Variants in SHROOM2 observed in about 807,000 individuals in gnomAD.
The protein encoded by SHROOM2 is shroom family member 2, also known as protein Shroom2.
A neutral mutation model predicts 75.9 loss-of-function variants in SHROOM2; 33 were observed. The ratio of observed to expected loss-of-function variants is 0.43; its 90% confidence interval spans 0.33 to 0.58. The LOEUF is 0.58. Ranked by LOEUF, SHROOM2 falls within the 20% of genes least tolerant of loss-of-function variation. The pLI is 0.04. For missense variants in SHROOM2, 1,434 were observed against 1,461.2 expected (o/e 0.98, Z 0.30); for synonymous variants, 655 against 663.6 (o/e 0.99, Z 0.20).
intron 1 of SHROOM2, among the ~76,000 whole-genome samples, chrX:9,809,054 T>G: frequency 1.0e-5 from 1 of 100,197 alleles, no homozygotes; most frequent in South Asian, 5.6e-4. Context: ...TTTCCCTCCC[T>G]TCCCCCAAAT....
intron 1 of SHROOM2, among the ~76,000 whole-genome samples, chrX:9,788,070 G>T (rs2083626354): frequency 9.3e-6 from 1 of 106,983 alleles, no homozygotes; most frequent in African/African-American, 3.5e-5. Context: ...CACCATGCCT[G>T]GTTAATTTTT....
At position 9,797,008 on chromosome X, in the gene SHROOM2, T is replaced by A. The variant is rs1241637948; in HGVS notation, c.165+10298T>A. Among the ~76,000 whole-genome samples, 3 of 112,031 alleles carry A rather than the reference T, an allele frequency of 2.7e-5. No individual in the cohort carries two copies. In the Admixed American group the frequency reaches 2.9e-4, roughly 11 times the overall value. ...AATAGTGGGAAAGATGAAGATTCAG[T>A]ATCCCTGTGACAAGACTCTATTTCT... On this transcript the variant is annotated intron_variant, in intron 1 of 9. Transcript: ENST00000380913.
At chrX:9,807,901 G>A (rs2083764105) in intron 1 of SHROOM2, among the ~76,000 whole-genome samples, 1 of 111,361 alleles carries the variant, frequency 9.0e-6, no homozygotes, top group Admixed American at 9.6e-5. Context: ...GTCAAGGGGA[G>A]GTCAGAGAGG....
intron 5 of SHROOM2, among the ~76,000 whole-genome samples, chrX:9,929,905 G>A (rs1452194709): frequency 9.0e-6 from 1 of 110,866 alleles, no homozygotes. Flanking sequence ...AGACCTGATG[G>A]GTTTATCAGG....
At chrX:9,914,606 G>T (rs1395670777) in intron 5 of SHROOM2, among the ~76,000 whole-genome samples, 4 of 111,111 alleles carry the variant, frequency 3.6e-5, no homozygotes, top group Admixed American at 2.9e-4. Flanking sequence ...GATGTCTGAA[G>T]AGGTCCTAGA....
At position 9,927,356 on chromosome X, in the gene SHROOM2, CAAAAAAAAAAAAAA is replaced by C. The variant is rs56344026; in HGVS notation, c.2892-4799_2892-4786del. On this transcript the variant is annotated intron_variant, in intron 5 of 9. Coordinates refer to ENST00000380913, the MANE Select transcript of SHROOM2 (RefSeq NM_001649.4). ...AACAGCAAGACCCTATCTCTGTCTC[CAAAAAAAAAAAAAA>C]AAAAAAAAAAAAAAAAAAAGTAGGT... Among the ~76,000 whole-genome samples, 98 of 24,398 alleles carry C rather than the reference CAAAAAAAAAAAAAA, an allele frequency of 4.0e-3. 1 individual carries two copies. The highest frequency in any genetic ancestry group is 7.0e-3 in the East Asian group (3 of 431). The allele number at this position is 24,398 out of a possible 115,157, so 21.2% of individuals were successfully genotyped here.
intron 1 of SHROOM2, among the ~76,000 whole-genome samples, chrX:9,796,104 A>G (rs949090586): frequency 6.4e-4 from 71 of 111,746 alleles, no homozygotes; most frequent in Admixed American, 6.1e-3. Flanking sequence ...AGCTATCTCT[A>G]GTAAATTCAA....
chrX:9,798,750 G>A (rs777095714), intron 1 of SHROOM2, among the ~76,000 whole-genome samples: 4 of 112,263 alleles, frequency 3.6e-5, no homozygotes, highest in Non-Finnish European at 7.5e-5. Flanking sequence ...GGAAAACGGA[G>A]TGTACTTTAT....
chrX:9,786,720 CCGCGGGGCGCGGG>C lies in SHROOM2; in HGVS notation c.165+14_165+26del, dbSNP rs2083615422. The C allele has an allele frequency of 1.1e-6, 1 of 880,242 alleles. No homozygotes were observed. Among genetic ancestry groups the C allele is most frequent in the Non-Finnish European group, 1.4e-6 (1 of 719,229 alleles). The allele number at this position is 880,242 out of a possible 1,213,427, so 72.5% of individuals were successfully genotyped here. On this transcript the variant is annotated intron_variant, in intron 1 of 9. Transcript: ENST00000380913. ...GCTGGTCATCACCAAGGTAAGGCGGCCGCGGGGCGCGGGCGCTGACAGCCGGGAGCTGGCCGCC... is the reference window on the plus strand; with the variant it reads ...GCTGGTCATCACCAAGGTAAGGCGGCCGCTGACAGCCGGGAGCTGGCCGCC...
At chrX:9,841,885 T>G (rs2083981162) in intron 1 of SHROOM2, among the ~76,000 whole-genome samples, 1 of 110,536 alleles carries the variant, frequency 9.0e-6, no homozygotes, top group African/African-American at 3.3e-5. Context: ...CCAGAAAAAT[T>G]TAAAAAGAAG....
chrX:9,916,484 A>G (rs1185857395), intron 5 of SHROOM2, among the ~76,000 whole-genome samples: 1 of 111,951 alleles, frequency 8.9e-6, no homozygotes, highest in African/African-American at 3.3e-5. Context: ...AATTCTGGGC[A>G]TGGAGTTGCT....
chrX:9,800,326 T>C (rs900972867), intron 1 of SHROOM2, among the ~76,000 whole-genome samples: 12 of 109,974 alleles, frequency 1.1e-4, no homozygotes, highest in African/African-American at 4.0e-4. Context: ...GGCTTATTTA[T>C]TTTATGTATT....
At chrX:9,885,653 T>G (rs2084256922) in intron 2 of SHROOM2, among the ~76,000 whole-genome samples, 1 of 111,835 alleles carries the variant, frequency 8.9e-6, no homozygotes, top group African/African-American at 3.3e-5. Context: ...TTCATTTGCT[T>G]ATTTAAAAAA....
At chrX:9,830,827 C>T (rs2083912796) in intron 1 of SHROOM2, among the ~76,000 whole-genome samples, 1 of 110,590 alleles carries the variant, frequency 9.0e-6, no homozygotes, top group Admixed American at 9.7e-5. Context: ...TGGTCACGAA[C>T]TCCTGGACCT....
At chrX:9,902,331 A>G (rs1265026451) in intron 5 of SHROOM2, among the ~76,000 whole-genome samples, 1 of 110,457 alleles carries the variant, frequency 9.1e-6, no homozygotes, top group East Asian at 2.9e-4. Context: ...GGATGGATAC[A>G]TGGGTGCATG....
chrX:9,844,389 G>A (rs1161334250), intron 1 of SHROOM2, among the ~76,000 whole-genome samples: 1 of 111,275 alleles, frequency 9.0e-6, no homozygotes, highest in Non-Finnish European at 1.9e-5. Flanking sequence ...GTGTGCATCT[G>A]TGATCCCCTG....
intron 1 of SHROOM2, among the ~76,000 whole-genome samples, chrX:9,792,042 AAT>A (rs1403230001): frequency 1.2e-3 from 1 of 801 alleles, no homozygotes; most frequent in African/African-American, 3.6e-3. Context: ...AATAGAATAG[AAT>A]AGAATAGAAT....
chrX:9,897,680 C>CAAAAA (rs56026461), intron 4 of SHROOM2, among the ~76,000 whole-genome samples: 19 of 70,512 alleles, frequency 2.7e-4, no homozygotes, highest in South Asian at 8.6e-4. Context: ...GACCCTGTCT[C>CAAAAA]AAAAAAAAAA....
intron 1 of SHROOM2, among the ~76,000 whole-genome samples, chrX:9,841,931 A>G (rs2083981412): frequency 9.0e-6 from 1 of 111,702 alleles, no homozygotes; most frequent in African/African-American, 3.3e-5. Flanking sequence ...GTGGTAGTAC[A>G]TGCCTGTAGT....
Sources: gnomAD v4.1 joint callset for allele counts (sites outside exome capture counted in the v4.1 genomes callset) on GRCh38, gnomAD v4.1.1 for gene constraint, MANE v1.5 for transcripts, NCBI Gene and HGNC (gene_info 2026-07-23, HGNC 2026-07-21) for gene names.